The following LIPN variants were observed in gnomAD, a reference collection of about 807,000 sequenced individuals.
LIPN encodes lipase member N.
Under a neutral mutation model 43.7 loss-of-function variants are expected in LIPN, and 32 were observed. The observed-to-expected ratio is 0.73, with a 90% confidence interval of 0.55 to 0.98. LIPN has a LOEUF of 0.98. Among genes scored for constraint, LIPN ranks in the 50% least tolerant of loss-of-function variants. LIPN has a pLI of 0.00. For missense variants in LIPN, 505 were observed against 483.8 expected, an observed-to-expected ratio of 1.04 and a Z score of -0.41; for synonymous variants, 156 against 157.6, an observed-to-expected ratio of 0.99 and a Z score of 0.08.
chr10:88,770,373 T>C (rs1432810753), intron 6 of LIPN, among the ~76,000 whole-genome samples: 2 of 151,890 alleles, frequency 1.3e-5, no homozygotes, highest in Non-Finnish European at 2.9e-5. Context: ...TTCCCTTATA[T>C]TCAAGGTATT....
Position 88,762,413 on chromosome 10 carries a change from T to A in LIPN, c.226+108T>A, listed in dbSNP as rs1455447169. 7.1e-6 allele frequency: 5 copies of A among 709,176 alleles called. 1 individual carries two copies. In the Admixed American group the frequency reaches 1.1e-4, roughly 15 times the overall value. 43.9% of individuals were successfully genotyped at this position (709,176 alleles called of 1,614,324 possible). A position where few individuals can be genotyped will look rare whatever the true frequency, so the allele number is the denominator to read the frequency against. On this transcript the variant is annotated intron_variant, in intron 3 of 9. Transcript: ENST00000404459. ...CAGAGTTTATCAAAATTGGTTTGAA[T>A]TATTGGATTAGTCTTTAAATAGTTA...
intron 7 of LIPN, among the ~76,000 whole-genome samples, chr10:88,772,103 A>AAT (rs1843218969): frequency 6.8e-6 from 1 of 146,670 alleles, no homozygotes; most frequent in Non-Finnish European, 1.5e-5. Context: ...TTTAAATCAG[A>AAT]TTTTTTTTTT....
chr10:88,758,555 AC>A (rs1408704665), upstream of LIPN, among the ~76,000 whole-genome samples: 5 of 148,856 alleles, frequency 3.4e-5, no homozygotes, highest in East Asian at 9.7e-4. Flanking sequence ...AATATATATT[AC>A]AGAATATATT....
chr10:88,760,912 C>T (rs1842985704), intron 1 of LIPN, among the ~76,000 whole-genome samples: 1 of 152,086 alleles, frequency 6.6e-6, no homozygotes, highest in African/African-American at 2.4e-5. Flanking sequence ...CCTTTGGGTG[C>T]CACGTGAGAA....
intron 3 of LIPN, among the ~76,000 whole-genome samples, chr10:88,763,708 T>G (rs1259485965): frequency 6.6e-6 from 1 of 152,044 alleles, no homozygotes; most frequent in East Asian, 1.9e-4. Flanking sequence ...CCCTGGTTCT[T>G]TGGATCTCCC....
chr10:88,766,909 T>C (rs559387347), intron 5 of LIPN, among the ~76,000 whole-genome samples: 1 of 152,148 alleles, frequency 6.6e-6, no homozygotes, highest in Non-Finnish European at 1.5e-5. Flanking sequence ...ATCTATTCAG[T>C]GTGTGATTTA....
At chr10:88,759,336 G>A (rs569665708), upstream of LIPN, among the ~76,000 whole-genome samples, 3 of 152,222 alleles carry the variant, frequency 2.0e-5, no homozygotes, top group Admixed American at 1.3e-4. Context: ...ATTCAGTTAC[G>A]GCTTAAGCTC....
Position 88,768,816 on chromosome 10 carries a change from C to G in LIPN, c.560C>G (p.Pro187Arg). ...GGGTTTGTAGCCTTTTCCACCATGC[C>G]TGAACTGGCACAAAGAATCAAAATG... ...TIGFVAFSTMPELAQRIKMNF... is the reference protein window; with the variant it reads ...TIGFVAFSTMRELAQRIKMNF... The change falls in exon 6 of 10, where the codon CCT becomes CGT. Residue 187 changes from proline (P) to arginine (R), a missense_variant. Transcript: ENST00000404459. 6.2e-7 allele frequency: 1 copy of G among 1,611,346 alleles called. No individual in the cohort carries two copies. The highest frequency in any genetic ancestry group is 1.7e-5 in the Admixed American group (1 of 59,766).
intron 9 of LIPN, 78 bp from the exon 10 acceptor site, chr10:88,777,931 C>T (rs1843321701): frequency 4.9e-6 from 4 of 812,526 alleles, no homozygotes; most frequent in East Asian, 5.0e-5. Context: ...GGCCATTGTC[C>T]ACATTCATTT....
intron 5 of LIPN, among the ~76,000 whole-genome samples, chr10:88,767,096 C>T (rs1254867551): frequency 3.3e-5 from 5 of 151,894 alleles, no homozygotes; most frequent in Non-Finnish European, 1.5e-5. Flanking sequence ...AAGGAACCCA[C>T]ACTAATAAAA....
Position 88,760,077 on chromosome 10 carries a change from C to T in LIPN, c.-38C>T, listed in dbSNP as rs1202347775. Reference sequence around the variant, plus strand: ...AGAAGTTCCTCATCAATAAGGAGTCCTTGTGAGCAGGTGAAGCTCATCTAA... The same window carrying T: ...AGAAGTTCCTCATCAATAAGGAGTCTTTGTGAGCAGGTGAAGCTCATCTAA... On this transcript the variant is annotated 5_prime_UTR_variant, in exon 1 of 10. Coordinates refer to ENST00000404459, the MANE Select transcript of LIPN (RefSeq NM_001102469.2). 6.6e-6 allele frequency among the ~76,000 whole-genome samples: 1 copy of T among 152,054 alleles called. No homozygotes were observed. Among genetic ancestry groups the T allele is most frequent in the East Asian group, 1.9e-4 (1 of 5,180 alleles).
chr10:88,767,207 C>T (rs1843117463), intron 5 of LIPN, among the ~76,000 whole-genome samples: 1 of 151,808 alleles, frequency 6.6e-6, no homozygotes, highest in East Asian at 1.9e-4. Context: ...TTTTCATTAT[C>T]ACCACTATCA....
In LIPN at chr10:88,770,988, T is replaced by C. The variant is rs1279303630; in HGVS notation, c.816T>C (p.Asn272=). The C allele has an allele frequency of 1.9e-6, 3 of 1,569,320 alleles. No individual in the cohort carries two copies. The highest frequency in any genetic ancestry group is 2.6e-6 in the Non-Finnish European group (3 of 1,155,176). ...LWAGSNKKNM[N]QSRMDVYMSH... ...CTGGATCCAACAAGAAAAATATGAA[T>C]CAGGTATGTATGATAATTATAGGGC... Residue 272 remains asparagine, a synonymous_variant, in exon 7 of 10, where the codon AAT becomes AAC. Transcript: ENST00000404459.
chr10:88,778,335 C>A lies in LIPN; in HGVS notation c.*93C>A. The A allele has an allele frequency of 1.2e-6, 1 of 838,006 alleles. No individual in the cohort carries two copies. Among genetic ancestry groups the A allele is most frequent in the Non-Finnish European group, 1.9e-6 (1 of 527,190 alleles). 51.9% of individuals were successfully genotyped at this position (838,006 alleles called of 1,614,324 possible). On this transcript the variant is annotated 3_prime_UTR_variant, in exon 10 of 10. Coordinates refer to ENST00000404459, the MANE Select transcript of LIPN (RefSeq NM_001102469.2). ...AACCAACAATGAGGTTGTCCCCCAG[C>A]ACCCTGGGGGAGATGCACAGTGGAG...
intron 9 of LIPN, 33 bp from the exon 10 acceptor site, chr10:88,777,976 C>T: frequency 7.1e-7 from 1 of 1,400,330 alleles, no homozygotes; most frequent in Non-Finnish European, 1.0e-6. Context: ...GAGGAGCTTC[C>T]TCTCATGAAT....
chr10:88,764,348 TCA>T, intron 3 of LIPN, 60 bp from the exon 4 acceptor site: 2 of 1,287,686 alleles, frequency 1.6e-6, no homozygotes, highest in Non-Finnish European at 1.1e-6. Context: ...TAAATTACTC[TCA>T]CTCTTTCTCT....
upstream of LIPN, among the ~76,000 whole-genome samples, chr10:88,757,802 C>T (rs1264163970): frequency 6.6e-6 from 1 of 152,094 alleles, no homozygotes; most frequent in Non-Finnish European, 1.5e-5. Flanking sequence ...ATTTTACACA[C>T]ACACATATAG....
At chr10:88,758,755 T>C (rs1048317192), upstream of LIPN, among the ~76,000 whole-genome samples, 1 of 152,028 alleles carries the variant, frequency 6.6e-6, no homozygotes, top group Admixed American at 6.6e-5. Context: ...GTCCAGATTA[T>C]TCAAATAACT....
Position 88,766,373 on chromosome 10 carries a change from C to T in LIPN, c.530C>T (p.Thr177Ile), listed in dbSNP as rs751390108. 6.3e-7 allele frequency: 1 copy of T among 1,578,450 alleles called. No individual in the cohort carries two copies. Among genetic ancestry groups the T allele is most frequent in the South Asian group, 1.1e-5 (1 of 90,350 alleles). Residue 177 changes from threonine (T) to isoleucine (I), a missense_variant, in exon 5 of 10, where the codon ACA (threonine) becomes ATA (isoleucine). Coordinates refer to ENST00000404459, the MANE Select transcript of LIPN (RefSeq NM_001102469.2). ...TTCATTGGACATTCACTTGGCACTA[C>T]AATAGGTATGTTTATGAGGGTCACT... ...LYFIGHSLGTTIGFVAFSTMP... is the reference protein window; with the variant it reads ...LYFIGHSLGTIIGFVAFSTMP...
Sources: gnomAD v4.1 joint callset for allele counts (sites outside exome capture counted in the v4.1 genomes callset) on GRCh38, gnomAD v4.1.1 for gene constraint, MANE v1.5 for transcripts, NCBI Gene and HGNC (gene_info 2026-07-23, HGNC 2026-07-21) for gene names.